The following ARF3 variants were observed in gnomAD, a reference collection of about 807,000 sequenced individuals.
The protein encoded by ARF3 is ARF GTPase 3.
In ARF3, 5 loss-of-function variants were observed where a neutral mutation model predicts 19.3. The observed-to-expected ratio is 0.26, with a 90% CI of 0.14 to 0.54. The LOEUF (loss-of-function observed/expected upper bound fraction) is 0.54. Among genes scored for constraint, ARF3 ranks in the 20% least tolerant of loss-of-function variants. The pLI, the probability that ARF3 is intolerant of heterozygous loss-of-function variation, is 0.95. For missense variants in ARF3, 77 were observed against 234.2 expected (o/e 0.33, Z 4.38); for synonymous variants, 71 against 89.2 (o/e 0.80, Z 1.15).
intron 1 of ARF3, 102 bp from the exon 2 acceptor site, chr12:48,941,290 G>A (rs552851461): frequency 9.9e-6 from 6 of 609,004 alleles, no homozygotes; most frequent in African/African-American, 5.7e-5. Context: ...CATGACAAAC[G>A]GAGAGCCTGA....
intron 1 of ARF3, among the ~76,000 whole-genome samples, chr12:48,945,274 G>A (rs1350769795): frequency 6.6e-6 from 1 of 151,544 alleles, no homozygotes; most frequent in East Asian, 1.9e-4. Context: ...GTGAAACCCC[G>A]TCTCTATTAA....
rs1437561991 is a variant in ARF3 at position 48,939,825 on chromosome 12, C to T, written c.260-46G>A. On this transcript the variant is annotated intron_variant, in intron 3 of 4. Coordinates refer to ENST00000256682, the MANE Select transcript of ARF3 (RefSeq NM_001659.3). This position sits in a 1 kb window ranked among gnomAD's most constrained non-coding sequence, Gnocchi z 4.8. ...CTGCACTAAGATGACAGGTAACCCC[C>T]TCCCCCCAACCAAAAGACCACACCT... 1.2e-6 allele frequency: 2 copies of T among 1,611,260 alleles called. No individual in the cohort carries two copies. Among genetic ancestry groups the T allele is most frequent in the Non-Finnish European group, 1.7e-6 (2 of 1,178,036 alleles).
intron 1 of ARF3, among the ~76,000 whole-genome samples, chr12:48,951,336 G>A (rs1023514554): frequency 1.6e-4 from 24 of 151,764 alleles, no homozygotes; most frequent in African/African-American, 5.1e-4. Flanking sequence ...CAAGGTGGGC[G>A]GATCACCTGA....
chr12:48,946,082 C>T (rs1333707374), intron 1 of ARF3, among the ~76,000 whole-genome samples: 1 of 152,196 alleles, frequency 6.6e-6, no homozygotes. Context: ...GGATTACAGG[C>T]ACGACCCACC....
intron 1 of ARF3, among the ~76,000 whole-genome samples, chr12:48,947,876 TAA>T (rs1940387066): frequency 6.6e-6 from 1 of 151,742 alleles, no homozygotes; most frequent in Admixed American, 6.6e-5. Flanking sequence ...AATCAGACAA[TAA>T]AGAGGGAGTT....
rs548844244 is a variant in ARF3 at position 48,941,304 on chromosome 12, G to A, written c.-93-116C>T. 15 of 539,096 alleles carry A rather than the reference G, an allele frequency of 2.8e-5. No individual in the cohort carries two copies. In the African/African-American group the frequency reaches 2.9e-4, roughly 11 times the overall value. The allele number at this position is 539,096 out of a possible 1,614,324, so 33.4% of individuals were successfully genotyped here. A position where few individuals can be genotyped will look rare whatever the true frequency, so the allele number is the denominator to read the frequency against. On this transcript the variant is annotated intron_variant, in intron 1 of 4. Coordinates refer to ENST00000256682, the MANE Select transcript of ARF3 (RefSeq NM_001659.3). ...TCATGACAAACGGAGAGCCTGAGGG[G>A]ACTATAAATACCAAGGCCCACTCAG... is the stretch of plus-strand genomic sequence containing the variant.
intron 1 of ARF3, among the ~76,000 whole-genome samples, chr12:48,949,228 G>GT (rs1940419344): frequency 2.0e-5 from 3 of 152,216 alleles, no homozygotes; most frequent in African/African-American, 4.8e-5. Flanking sequence ...TTGTTTGTTT[G>GT]TTGTTGTTGT....
chr12:48,955,140 A>T (rs1304258017), intron 1 of ARF3, among the ~76,000 whole-genome samples: 1 of 152,086 alleles, frequency 6.6e-6, no homozygotes, highest in Non-Finnish European at 1.5e-5. Context: ...TCTTATTATG[A>T]CTCTAGTGTA....
chr12:48,938,611 C>T lies in ARF3; in HGVS notation c.*336G>A. 2.2e-6 allele frequency: 1 copy of T among 450,530 alleles called. No individual in the cohort carries two copies. The highest frequency in any genetic ancestry group is 1.6e-5 in the South Asian group (1 of 62,626). 27.9% of individuals were successfully genotyped at this position (450,530 alleles called of 1,614,324 possible). ...GGAAAGGACTCAGATGCCAAGAGGA[C>T]AGCAACCACTGCCAAACAAAGAGAA... On this transcript the variant is annotated 3_prime_UTR_variant, in exon 5 of 5. Transcript: ENST00000256682.
intron 1 of ARF3, among the ~76,000 whole-genome samples, chr12:48,951,606 G>T (rs1443002995): frequency 6.6e-6 from 1 of 151,654 alleles, no homozygotes; most frequent in African/African-American, 2.4e-5. Flanking sequence ...TAGGCCGGGC[G>T]CGGTGGCTCA....
At chr12:48,951,204 T>C (rs1380071608) in intron 1 of ARF3, among the ~76,000 whole-genome samples, 1 of 152,222 alleles carries the variant, frequency 6.6e-6, no homozygotes, top group Non-Finnish European at 1.5e-5. Flanking sequence ...TATCTAGGGA[T>C]AGTGTACACA....
At position 48,937,515 on chromosome 12, in the gene ARF3, C is replaced by T. The variant is rs557509303; in HGVS notation, c.*1432G>A. The T allele has an allele frequency of 6.6e-6, 1 of 152,536 alleles. No homozygotes were observed. Among genetic ancestry groups the T allele is most frequent in the South Asian group, 2.1e-4 (1 of 4,832 alleles). The allele number at this position is 152,536 out of a possible 1,614,324, so 9.4% of individuals were successfully genotyped here. The stretch of plus-strand genomic sequence containing the variant: ...AATGCGGGGAGAATCCTGAAGACCA[C>T]TGCATCCCACAAGCACTGACAACCA... On this transcript the variant is annotated 3_prime_UTR_variant, in exon 5 of 5. Coordinates refer to ENST00000256682, the MANE Select transcript of ARF3 (RefSeq NM_001659.3).
At chr12:48,956,993 G>A (rs753138679) in intron 1 of ARF3, 1 of 152,578 alleles carries the variant, frequency 6.6e-6, no homozygotes, top group Non-Finnish European at 1.5e-5. Context: ...ACCTCTCCTC[G>A]GACGGTTTTC....
At chr12:48,942,845 G>A (rs1249784901) in intron 1 of ARF3, among the ~76,000 whole-genome samples, 2 of 152,200 alleles carry the variant, frequency 1.3e-5, no homozygotes, top group East Asian at 3.8e-4. Context: ...AGTGGCTCAC[G>A]CCTGTAATCC....
intron 1 of ARF3, among the ~76,000 whole-genome samples, chr12:48,947,418 T>C (rs1940378395): frequency 1.3e-5 from 2 of 151,926 alleles, no homozygotes; most frequent in Non-Finnish European, 2.9e-5. Context: ...GCGATTCTCC[T>C]GCCTCAGCCT....
At chr12:48,942,085 C>A (rs547884474) in intron 1 of ARF3, among the ~76,000 whole-genome samples, 5 of 152,126 alleles carry the variant, frequency 3.3e-5, no homozygotes, top group Non-Finnish European at 5.9e-5. Flanking sequence ...AAAACCCACT[C>A]GTGGCTTCAT....
chr12:48,941,023 G>A lies in ARF3; in HGVS notation c.73C>T (p.Leu25=). The A allele has an allele frequency of 6.2e-7, 1 of 1,613,834 alleles. No homozygotes were observed. The highest frequency in any genetic ancestry group is 1.3e-5 in the African/African-American group (1 of 74,986). ...KKEMRILMVG[L]DAAGKTTILY... ...ATGGTGGTCTTTCCTGCGGCATCCA[G>A]GCCCACCATCAGGATGCGCATCTCC... The change falls in exon 2 of 5, where the codon CTG becomes TTG. Residue 25 remains leucine (L), a synonymous_variant. Transcript: ENST00000256682.
Position 48,938,380 on chromosome 12 carries a change from G to A in ARF3, c.*567C>T, listed in dbSNP as rs1198480832. On this transcript the variant is annotated 3_prime_UTR_variant, in exon 5 of 5. Coordinates refer to ENST00000256682, the MANE Select transcript of ARF3 (RefSeq NM_001659.3). Reference sequence around the variant, plus strand: ...CGGAAGGGGCAGATGACAGGCTCCAGTGGGCAGTGTCCTGGCTGCAAGCCC... The same window carrying A: ...CGGAAGGGGCAGATGACAGGCTCCAATGGGCAGTGTCCTGGCTGCAAGCCC... The A allele has an allele frequency of 1.5e-5, 7 of 454,216 alleles. No individual in the cohort carries two copies. The highest frequency in any genetic ancestry group is 2.0e-5 in the African/African-American group (1 of 50,010). 28.1% of individuals were successfully genotyped at this position (454,216 alleles called of 1,614,324 possible).
In ARF3 at chr12:48,939,933, C is replaced by T. The variant is rs1157166996; in HGVS notation, c.259+64G>A. The T allele has an allele frequency of 1.3e-6, 2 of 1,584,806 alleles. No individual in the cohort carries two copies. The highest frequency in any genetic ancestry group is 1.7e-6 in the Non-Finnish European group (2 of 1,153,810). Reference sequence around the variant, plus strand: ...TGCAGCAGGGTAACAGTTGGCCACCCATTAACAAAGACAGCCACACTCTCT... The same window carrying T: ...TGCAGCAGGGTAACAGTTGGCCACCTATTAACAAAGACAGCCACACTCTCT... On this transcript the variant is annotated intron_variant, in intron 3 of 4. Transcript: ENST00000256682. This position sits in a 1 kb window ranked among gnomAD's most constrained non-coding sequence, Gnocchi z 4.8.
Sources: allele counts gnomAD v4.1 joint callset (sites outside exome capture counted in the v4.1 genomes callset), GRCh38; gene constraint gnomAD v4.1.1; non-coding constraint Gnocchi (gnomAD v3.1); transcripts MANE v1.5; gene names NCBI Gene and HGNC (gene_info 2026-07-23, HGNC 2026-07-21).